DCC: variants seen among roughly 807,000 people sequenced by gnomAD.
DCC encodes the protein DCC netrin 1 receptor.
Under a neutral mutation model 172.5 loss-of-function variants are expected in DCC, and 58 were observed. That is an observed-to-expected ratio of 0.34 (90% CI 0.27 to 0.42). DCC has a LOEUF of 0.42. Among genes scored for constraint, DCC ranks in the 10% least tolerant of loss-of-function variants. The pLI is 1.00. For synonymous variants in DCC, 709 were observed against 644.5 expected (o/e 1.10, Z -1.52); for missense variants, 1,740 against 1,791.0 (o/e 0.97, Z 0.51).
At chr18:53,243,515 G>T (rs548035452) in intron 12 of DCC, among the ~76,000 whole-genome samples, 2 of 152,210 alleles carry the variant, frequency 1.3e-5, no homozygotes, top group South Asian at 4.1e-4. Flanking sequence ...GGGACTAGTT[G>T]CCTCTTTGTT....
Position 53,445,702 on chromosome 18 carries a change from CTTTA to C in DCC, c.3230-4795_3230-4792del, listed in dbSNP as rs1912553834. 2.6e-5 allele frequency among the ~76,000 whole-genome samples: 4 copies of C among 151,916 alleles called. No individual in the cohort carries two copies. In the South Asian group the frequency reaches 8.3e-4, roughly 32 times the overall value. ...ACCAATTTTTTAATATTTAATAAGT[CTTTA>C]TTAAATATATGTATTTGCTTTATTA... On this transcript the variant is annotated intron_variant, in intron 22 of 28. Transcript: ENST00000442544.
intron 2 of DCC, among the ~76,000 whole-genome samples, chr18:52,830,956 G>A (rs886309117): frequency 6.6e-6 from 1 of 152,030 alleles, no homozygotes; most frequent in South Asian, 2.1e-4. Context: ...TTTATTAGAT[G>A]GTTATGAGTG....
intron 1 of DCC, among the ~76,000 whole-genome samples, chr18:52,495,139 C>T (rs149146683): frequency 5.2e-4 from 79 of 152,226 alleles, no homozygotes; most frequent in African/African-American, 1.6e-3. Flanking sequence ...TCCTTGTCTC[C>T]GTCACCAAAG....
chr18:53,114,637 T>C (rs887082557), intron 7 of DCC, among the ~76,000 whole-genome samples: 1 of 151,300 alleles, frequency 6.6e-6, no homozygotes, highest in Non-Finnish European at 1.5e-5. Flanking sequence ...AACAGAAAAA[T>C]ATATTCTCTT....
chr18:52,874,274 G>T (rs1254337433), intron 2 of DCC, among the ~76,000 whole-genome samples: 1 of 152,028 alleles, frequency 6.6e-6, no homozygotes, highest in East Asian at 1.9e-4. Context: ...GACAGACAAA[G>T]AAGAACTGTC....
At chr18:52,808,220 C>T (rs183377490) in intron 2 of DCC, among the ~76,000 whole-genome samples, 30 of 152,270 alleles carry the variant, frequency 2.0e-4, no homozygotes, top group African/African-American at 5.8e-4. Flanking sequence ...ATTGCTATGT[C>T]TAAAAGGTCT....
chr18:53,315,240 C>A (rs373387053), intron 13 of DCC, among the ~76,000 whole-genome samples: 1 of 152,064 alleles, frequency 6.6e-6, no homozygotes, highest in African/African-American at 2.4e-5. Flanking sequence ...TGTGTTAGTT[C>A]GCTGAAAATG....
At chr18:52,502,243 G>A (rs2031049825) in intron 1 of DCC, among the ~76,000 whole-genome samples, 1 of 152,022 alleles carries the variant, frequency 6.6e-6, no homozygotes, top group Non-Finnish European at 1.5e-5. Context: ...AACTAGAAGA[G>A]GAATAATGCA....
At chr18:52,564,841 T>TA (rs1227198912) in intron 1 of DCC, among the ~76,000 whole-genome samples, 1 of 151,982 alleles carries the variant, frequency 6.6e-6, no homozygotes, top group African/African-American at 2.4e-5. Context: ...CTAGAGAGAA[T>TA]AAAAATCTCT....
chr18:53,325,448 G>A (rs772397182), intron 14 of DCC, among the ~76,000 whole-genome samples: 1 of 152,136 alleles, frequency 6.6e-6, no homozygotes, highest in Non-Finnish European at 1.5e-5. Context: ...TGAAACAGAC[G>A]CTCTACTTGA....
intron 7 of DCC, among the ~76,000 whole-genome samples, chr18:53,111,819 T>C (rs1006311582): frequency 1.7e-4 from 26 of 151,708 alleles, no homozygotes; most frequent in Non-Finnish European, 1.5e-5. Context: ...AAATGAGAAC[T>C]TGGAGATTCA....
intron 7 of DCC, among the ~76,000 whole-genome samples, chr18:53,088,608 A>C (rs540351034): frequency 2.2e-4 from 34 of 152,214 alleles, no homozygotes; most frequent in Non-Finnish European, 4.6e-4. Context: ...AACCCTTCAA[A>C]AATTAATGAA....
intron 1 of DCC, among the ~76,000 whole-genome samples, chr18:52,703,331 T>G (rs1448031198): frequency 6.6e-6 from 1 of 152,206 alleles, no homozygotes; most frequent in African/African-American, 2.4e-5. Context: ...TCATCCCCTA[T>G]ATTTGGATGC....
chr18:52,692,429 C>A (rs1383614132), intron 1 of DCC, among the ~76,000 whole-genome samples: 1 of 152,026 alleles, frequency 6.6e-6, no homozygotes, highest in East Asian at 1.9e-4. Flanking sequence ...GATTTGTAGT[C>A]TCTCTCTGTA....
intron 1 of DCC, among the ~76,000 whole-genome samples, chr18:52,351,892 C>A (rs1443571): frequency 6.6e-6 from 1 of 152,084 alleles, no homozygotes; most frequent in South Asian, 2.1e-4. Context: ...TCCATGTCAC[C>A]GGACCTGGAA....
At chr18:52,355,423 C>T (rs1984317974) in intron 1 of DCC, among the ~76,000 whole-genome samples, 1 of 152,120 alleles carries the variant, frequency 6.6e-6, no homozygotes, top group Non-Finnish European at 1.5e-5. Context: ...CTTGGCTCTA[C>T]CAAGATGTAG....
At chr18:52,821,061 C>T (rs915306969) in intron 2 of DCC, among the ~76,000 whole-genome samples, 8 of 152,072 alleles carry the variant, frequency 5.3e-5, no homozygotes, top group African/African-American at 1.9e-4. Context: ...CATAGTTTCT[C>T]TTCTCTTCTC....
intron 1 of DCC, among the ~76,000 whole-genome samples, chr18:52,661,865 G>A (rs2035366906): frequency 6.6e-6 from 1 of 152,108 alleles, no homozygotes. Flanking sequence ...AAAATATTAA[G>A]CAATCATATA....
chr18:53,207,188 G>A (rs1249490820), intron 10 of DCC, among the ~76,000 whole-genome samples: 1 of 152,174 alleles, frequency 6.6e-6, no homozygotes, highest in East Asian at 1.9e-4. Context: ...CTGCAGCCAT[G>A]AGAGGCTCAA....
Sources: allele counts gnomAD v4.1 joint callset (sites outside exome capture counted in the v4.1 genomes callset), GRCh38; gene constraint gnomAD v4.1.1; transcripts MANE v1.5; gene names NCBI Gene and HGNC (gene_info 2026-07-23, HGNC 2026-07-21).